Variants in PLCH2 observed in about 807,000 individuals in gnomAD.
The protein encoded by PLCH2 is phospholipase C eta 2.
In PLCH2, 98 loss-of-function variants were observed where a neutral mutation model predicts 134.7. The ratio of observed to expected loss-of-function variants is 0.73; its 90% CI spans 0.62 to 0.86. The LOEUF (loss-of-function observed/expected upper bound fraction) is 0.86, where lower values mean the gene tolerates loss of function less well. PLCH2 is among the 40% of genes least tolerant of loss of function. PLCH2 has a pLI of 0.00. For synonymous variants in PLCH2, 974 were observed against 827.5 expected (o/e 1.18, Z -3.04); for missense variants, 1,994 against 1,986.6 (o/e 1.00, Z -0.07).
intron 8 of PLCH2, 55 bp downstream of exon 8, chr1:2,487,773 C>T: frequency 1.9e-6 from 3 of 1,544,308 alleles, no homozygotes. Context: ...GTAGGGTCTC[C>T]AGGCTCTAGC....
At chr1:2,500,505 C>A (rs922077077) in intron 20 of PLCH2, 3 of 152,450 alleles carry the variant, frequency 2.0e-5, no homozygotes, top group Non-Finnish European at 4.4e-5. Context: ...GTCTTGCAGT[C>A]GGCTTCTCTA....
rs183973439 is a variant in PLCH2 at position 2,429,625 on chromosome 1, C to T, written c.-177-713C>T. On this transcript the variant is annotated intron_variant, in intron 1 of 3. Coordinates refer to the PLCH2 transcript ENST00000609981. ...ATTAGGGGTTTGGAGCTCAGCCAAG[C>T]GGGGCTGCCCTTGGCAGACATTACC... Among the ~76,000 whole-genome samples the T allele has an allele frequency of 4.6e-5, 7 of 152,268 alleles. No homozygotes were observed. The East Asian group carries it at 9.7e-4, about 21-fold the overall frequency.
chr1:2,433,059 A>G (rs1179475361), intron 2 of PLCH2, among the ~76,000 whole-genome samples: 3 of 152,066 alleles, frequency 2.0e-5, no homozygotes, highest in Non-Finnish European at 4.4e-5. Flanking sequence ...TCCCTCTGGG[A>G]GGATCGAACA....
intron 2 of PLCH2, among the ~76,000 whole-genome samples, chr1:2,450,038 C>T (rs1025769977): frequency 1.3e-5 from 2 of 152,230 alleles, no homozygotes; most frequent in African/African-American, 2.4e-5. Context: ...TACAGTGTCT[C>T]CCTGGCTCCC....
chr1:2,465,730 GC>G (rs931034557), upstream of PLCH2, among the ~76,000 whole-genome samples: 20 of 152,224 alleles, frequency 1.3e-4, no homozygotes, highest in Admixed American at 7.9e-4. Context: ...TTAATCGCAG[GC>G]CGCGGTGACG....
chr1:2,471,590 G>T (rs942511705), upstream of PLCH2, among the ~76,000 whole-genome samples: 4 of 152,224 alleles, frequency 2.6e-5, no homozygotes, highest in African/African-American at 9.6e-5. Flanking sequence ...CCCTGTGGGA[G>T]CTGGATCCTT....
At chr1:2,503,857 C>CCTGCCTCCCTCTCTCT in intron 21 of PLCH2, 65 bp from the exon 22 acceptor site, 1 of 657,830 alleles carries the variant, frequency 1.5e-6, no homozygotes, top group Non-Finnish European at 2.8e-6. Flanking sequence ...CGCCTCTCTC[C>CCTGCCTCCCTCTCTCT]CTGCCTCCCT....
chr1:2,484,173 T>C (rs1642169894), intron 4 of PLCH2, among the ~76,000 whole-genome samples: 4 of 152,076 alleles, frequency 2.6e-5, no homozygotes, highest in African/African-American at 9.7e-5. Flanking sequence ...TGTTAACTGC[T>C]GTGTGGGGTG....
At chr1:2,468,731 G>A (rs1405634309) in intron 1 of PLCH2, among the ~76,000 whole-genome samples, 3 of 152,214 alleles carry the variant, frequency 2.0e-5, no homozygotes, top group Non-Finnish European at 4.4e-5. Flanking sequence ...GGACACGTGG[G>A]GTGGGACATG....
intron 2 of PLCH2, among the ~76,000 whole-genome samples, chr1:2,457,846 T>G (rs574112451): frequency 6.9e-6 from 1 of 144,056 alleles, no homozygotes; most frequent in South Asian, 2.2e-4. Context: ...TCTTGCCTAA[T>G]GGGCAGGCTG....
chr1:2,442,187 C>T (rs1639722853), intron 2 of PLCH2, among the ~76,000 whole-genome samples: 1 of 152,142 alleles, frequency 6.6e-6, no homozygotes, highest in Non-Finnish European at 1.5e-5. Flanking sequence ...GAGTCAGAAA[C>T]CTCCTGGGCT....
Position 2,498,740 on chromosome 1 carries a change from C to A in PLCH2, c.2350-4C>A. 6.2e-7 allele frequency: 1 copy of A among 1,607,388 alleles called. No homozygotes were observed. Reference sequence around the variant, plus strand: ...CTGATGCCACCCCCACTCCTGTGTCCCAGATCATCGACCCCTTTGTGGAGG... The same window carrying A: ...CTGATGCCACCCCCACTCCTGTGTCACAGATCATCGACCCCTTTGTGGAGG... On this transcript the variant is annotated splice_region_variant and splice_polypyrimidine_tract_variant and intron_variant, in intron 17 of 21. Transcript: ENST00000378486. The surrounding 1 kb of genome is among the most constrained non-coding windows in gnomAD (Gnocchi z 5.4).
Position 2,480,288 on chromosome 1 carries a change from G to C in PLCH2, c.621G>C (p.Arg207=). 1.9e-6 allele frequency: 3 copies of C among 1,612,616 alleles called. No homozygotes were observed. Among genetic ancestry groups the C allele is most frequent in the East Asian group, 2.2e-5 (1 of 44,874 alleles). ...LLHKLNVNLP[R]QRVKQMFREA... ...ACAAGCTCAACGTGAACCTGCCCCG[G>C]CAGAGGGTGAAGCAGATGTTCAGGG... Residue 207 remains arginine, a synonymous_variant, in exon 4 of 22, where the codon CGG becomes CGC. Transcript: ENST00000378486.
rs750093118 is a variant in PLCH2, at chr1:2,480,302, A to C, written c.635A>C (p.Gln212Pro). Residue 212 changes from glutamine to proline, a missense_variant, in exon 4 of 22, where the codon CAG (glutamine) becomes CCG (proline). By Grantham distance (76) the Gln-to-Pro change is moderately conservative. Coordinates refer to ENST00000378486, the MANE Select transcript of PLCH2 (RefSeq NM_014638.4). ...AACCTGCCCCGGCAGAGGGTGAAGC[A>C]GATGTTCAGGGTGAGCTGGGGGGAG... is the stretch of plus-strand genomic sequence containing the variant. Reference protein sequence around the residue: ...NVNLPRQRVKQMFREADTDDH... With the variant: ...NVNLPRQRVKPMFREADTDDH... 6.2e-7 allele frequency: 1 copy of C among 1,612,286 alleles called. No individual in the cohort carries two copies. The highest frequency in any genetic ancestry group is 8.5e-7 in the Non-Finnish European group (1 of 1,179,556).
intron 4 of PLCH2, among the ~76,000 whole-genome samples, chr1:2,484,028 T>TG (rs1448106040): frequency 8.9e-6 from 1 of 111,882 alleles, no homozygotes; most frequent in Admixed American, 8.7e-5. Flanking sequence ...GACTCCCGTG[T>TG]GGGTGGCGCT....
chr1:2,459,635 T>TTTCCG (rs1640708298), intron 2 of PLCH2, among the ~76,000 whole-genome samples: 4 of 11,208 alleles, frequency 3.6e-4, no homozygotes, highest in East Asian at 2.4e-3. Flanking sequence ...CCTCCTTGCC[T>TTTCCG]GTGGTCTTCC....
At chr1:2,445,517 A>T (rs984083349) in intron 2 of PLCH2, among the ~76,000 whole-genome samples, 4 of 140,682 alleles carry the variant, frequency 2.8e-5, no homozygotes, top group African/African-American at 1.1e-4. Context: ...GGCTGGGGTC[A>T]GGCCTGATGT....
intron 1 of PLCH2, among the ~76,000 whole-genome samples, chr1:2,468,603 C>T (rs1641182819): frequency 6.6e-6 from 1 of 152,196 alleles, no homozygotes; most frequent in South Asian, 2.1e-4. Context: ...ACAGTGGCCA[C>T]GGCTGCAGAA....
intron 20 of PLCH2, chr1:2,500,100 C>T (rs1643133464): frequency 1.9e-5 from 5 of 268,306 alleles, no homozygotes; most frequent in Non-Finnish European, 3.6e-5. Context: ...CCCTCTACTA[C>T]CCCCCACCCC....
Sources: gnomAD v4.1 joint callset for allele counts (sites outside exome capture counted in the v4.1 genomes callset) on GRCh38, gnomAD v4.1.1 for gene constraint, Gnocchi (gnomAD v3.1) non-coding constraint, MANE v1.5 for transcripts, NCBI Gene and HGNC (gene_info 2026-07-23, HGNC 2026-07-21) for gene names.